F8: variants seen among roughly 807,000 people sequenced by gnomAD.
F8 encodes coagulation factor VIII, also known as antihemophilic factor.
F8 carries 12 observed loss-of-function variants against 140.6 expected under a neutral mutation model. The observed-to-expected ratio is 0.09, with a 90% CI of 0.05 to 0.14. The LOEUF (loss-of-function observed/expected upper bound fraction) is 0.14. F8 is among the 10% of genes least tolerant of loss of function. The pLI is 1.00. For missense variants in F8, 1,354 were observed against 1,720.7 expected, an observed-to-expected ratio of 0.79 and a Z score of 3.77; for synonymous variants, 585 against 614.6, an observed-to-expected ratio of 0.95 and a Z score of 0.71.
At chrX:154,999,793 G>T (rs782097897) in intron 1 of F8, among the ~76,000 whole-genome samples, 193 bp from the exon 2 acceptor site, 1 of 112,318 alleles carries the variant, frequency 8.9e-6, no homozygotes, top group East Asian at 2.8e-4. Context: ...CATATGATAA[G>T]AATCATAAAA....
At chrX:154,956,720 G>A (rs1441416409) in intron 11 of F8, among the ~76,000 whole-genome samples, 1 of 111,203 alleles carries the variant, frequency 9.0e-6, no homozygotes, top group African/African-American at 3.3e-5. Flanking sequence ...AAATGGGGAG[G>A]ATCAGCTAGA....
Position 154,899,947 on chromosome X carries a change from C to T in F8, c.6192G>A (p.Gln2064=). The T allele has an allele frequency of 8.3e-7, 1 of 1,209,585 alleles. No individual in the cohort carries two copies. ...GAAGTCTGGCCAGCTTTGGGGCCCA[C>T]TGTCCTTTGCCCAAGTAAAGAAACA... ...FQITASGQYG[Q]WAPKLARLHY... is the part of the protein sequence containing the mutation. Residue 2064 remains glutamine (Q), a synonymous_variant, in exon 21 of 26, where the codon CAG becomes CAA. Coordinates refer to ENST00000360256, the MANE Select transcript of F8 (RefSeq NM_000132.4).
intron 13 of F8, among the ~76,000 whole-genome samples, chrX:154,932,462 C>T (rs1775421767): frequency 8.9e-6 from 1 of 111,849 alleles, no homozygotes; most frequent in East Asian, 2.8e-4. Flanking sequence ...CCAAGCTACC[C>T]GTTGGGTACC....
At chrX:154,843,289 T>C (rs2072536972) in intron 25 of F8, among the ~76,000 whole-genome samples, 1 of 112,162 alleles carries the variant, frequency 8.9e-6, no homozygotes, top group Admixed American at 9.5e-5. Flanking sequence ...GCATGATTTA[T>C]AATCCTTTGG....
At chrX:154,855,185 G>T (rs2072643061) in intron 25 of F8, among the ~76,000 whole-genome samples, 1 of 111,619 alleles carries the variant, frequency 9.0e-6, no homozygotes, top group Non-Finnish European at 1.9e-5. Flanking sequence ...AAGAAGCAAG[G>T]GTCTTGGTGA....
intron 3 of F8, among the ~76,000 whole-genome samples, chrX:154,995,239 C>T (rs886161997): frequency 1.2e-4 from 13 of 111,345 alleles, no homozygotes; most frequent in African/African-American, 3.6e-4. Context: ...GGGGCAGGGG[C>T]GGGAGCACAT....
chrX:154,898,141 A>T (rs2072992122), intron 21 of F8: 1 of 111,858 alleles, frequency 8.9e-6, no homozygotes, highest in Non-Finnish European at 1.9e-5. Flanking sequence ...GGTCTTGGTC[A>T]CCTGGTGCTC....
In F8 at chrX:154,969,015, T is replaced by C. The variant is rs183040214; in HGVS notation, c.1009+316A>G. ...CTCCATAATATTGGAGCGTAATTAATGGGATAAGGCTGAGAAACCAAGGGC... is the reference window on the plus strand; with the variant it reads ...CTCCATAATATTGGAGCGTAATTAACGGGATAAGGCTGAGAAACCAAGGGC... On this transcript the variant is annotated intron_variant, in intron 7 of 25. Transcript: ENST00000360256. 5.7e-3 allele frequency among the ~76,000 whole-genome samples: 632 copies of C among 111,075 alleles called. 7 individuals are homozygous for C. Among genetic ancestry groups the C allele is most frequent in the African/African-American group, 0.02 (603 of 30,532 alleles).
intron 25 of F8, among the ~76,000 whole-genome samples, chrX:154,847,399 T>C (rs2148560344): frequency 8.9e-6 from 1 of 112,296 alleles, no homozygotes; most frequent in South Asian, 3.7e-4. Flanking sequence ...GGTTCCATTC[T>C]CCCTGTCACT....
intron 6 of F8, among the ~76,000 whole-genome samples, chrX:154,969,958 T>C (rs1004940644): frequency 1.5e-4 from 17 of 111,874 alleles, no homozygotes; most frequent in African/African-American, 5.2e-4. Context: ...TCCACCTAGA[T>C]ATCTCAAAAA....
chrX:154,926,306 G>A (rs2073159947), intron 14 of F8, among the ~76,000 whole-genome samples: 1 of 111,982 alleles, frequency 8.9e-6, no homozygotes, highest in South Asian at 3.7e-4. Flanking sequence ...CAGATTAGAT[G>A]TTAATGTAAG....
chrX:154,839,464 G>A (rs1429649961), intron 25 of F8, among the ~76,000 whole-genome samples: 4 of 107,451 alleles, frequency 3.7e-5, no homozygotes, highest in Non-Finnish European at 5.8e-5. Context: ...CCGGGTTCAC[G>A]CCATTCTCCT....
chrX:154,939,377 C>A (rs782377250), intron 13 of F8, among the ~76,000 whole-genome samples: 66 of 112,488 alleles, frequency 5.9e-4, no homozygotes, highest in African/African-American at 1.7e-3. Context: ...TATCCTGCAC[C>A]TGGCTCAGAG....
intron 14 of F8, among the ~76,000 whole-genome samples, chrX:154,923,497 T>C (rs781946764): frequency 8.9e-5 from 10 of 111,883 alleles, no homozygotes; most frequent in African/African-American, 3.2e-4. Context: ...TCCTATGCTG[T>C]TCTTGTGATA....
At chrX:154,996,820 A>G (rs1557285119) in intron 3 of F8, among the ~76,000 whole-genome samples, 153 bp downstream of exon 3, 1 of 112,059 alleles carries the variant, frequency 8.9e-6, no homozygotes, top group East Asian at 2.8e-4. Context: ...GGATTTCCCT[A>G]TCTTGAGATA....
At chrX:154,880,386 A>G (rs944723622) in intron 22 of F8, among the ~76,000 whole-genome samples, 2 of 111,888 alleles carry the variant, frequency 1.8e-5, no homozygotes, top group Non-Finnish European at 3.8e-5. Context: ...TATACCAGGA[A>G]GAAGAAACAC....
At chrX:154,917,388 C>A (rs926792881) in intron 14 of F8, among the ~76,000 whole-genome samples, 6 of 111,376 alleles carry the variant, frequency 5.4e-5, no homozygotes, top group Admixed American at 4.7e-4. Flanking sequence ...TTGTCTTTGA[C>A]CTTTGAGAGT....
At chrX:154,955,317 A>ATT (rs34537569) in intron 11 of F8, among the ~76,000 whole-genome samples, 712 of 66,859 alleles carry the variant, frequency 0.011, 28 homozygotes, top group African/African-American at 0.044. Context: ...TGCCCAGCTA[A>ATT]TTTTTTTTTT....
chrX:154,957,882 A>G (rs1557281336), intron 10 of F8, among the ~76,000 whole-genome samples: 5 of 95,881 alleles, frequency 5.2e-5, no homozygotes, highest in Admixed American at 2.2e-4. Flanking sequence ...CTCTGTCTCC[A>G]AAAAAAAAAA....
Sources: gnomAD v4.1 joint callset for allele counts (sites outside exome capture counted in the v4.1 genomes callset) on GRCh38, gnomAD v4.1.1 for gene constraint, MANE v1.5 for transcripts, NCBI Gene and HGNC (gene_info 2026-07-23, HGNC 2026-07-21) for gene names.